UBR4: variants seen among roughly 807,000 people sequenced by gnomAD.
UBR4 encodes E3 ubiquitin-protein ligase UBR4.
A neutral mutation model predicts 575.6 loss-of-function variants in UBR4; 124 were observed. That is an observed-to-expected ratio of 0.22 (90% CI 0.19 to 0.25). The LOEUF (loss-of-function observed/expected upper bound fraction) is 0.25, where lower values mean the gene tolerates loss of function less well. UBR4 is among the 10% of genes least tolerant of loss of function. The probability of loss-of-function intolerance (pLI) is 1.00; values close to 1 mark genes in which losing one functional copy is unlikely to be tolerated. For missense variants in UBR4, 4,818 were observed against 6,478.8 expected (o/e 0.74, Z 8.80); for synonymous variants, 2,455 against 2,473.7 (o/e 0.99, Z 0.22).
Position 19,152,589 on chromosome 1 carries a change from C to T in UBR4, c.6833-113G>A, listed in dbSNP as rs1254667541. ...ACTCACACTCTAATCTAAGCAAACT[C>T]TGGATTATAACATTTGCATCGGCAT... On this transcript the variant is annotated intron_variant, in intron 46 of 105. Coordinates refer to ENST00000375254, the MANE Select transcript of UBR4 (RefSeq NM_020765.3). The surrounding 1 kb of genome is among the most constrained non-coding windows in gnomAD (Gnocchi z 4.4). 7.2e-7 allele frequency: 1 copy of T among 1,391,316 alleles called. No homozygotes were observed. The highest frequency in any genetic ancestry group is 9.9e-7 in the Non-Finnish European group (1 of 1,011,048). The allele number at this position is 1,391,316 out of a possible 1,614,324, so 86.2% of individuals were successfully genotyped here. A position where few individuals can be genotyped will look rare whatever the true frequency, so the allele number is the denominator to read the frequency against.
At position 19,157,200 on chromosome 1, in the gene UBR4, C is replaced by T. The variant is rs1383043537; in HGVS notation, c.5761-275G>A. On this transcript the variant is annotated intron_variant, in intron 40 of 105. Transcript: ENST00000375254. This position sits in a 1 kb window ranked among gnomAD's most constrained non-coding sequence, Gnocchi z 4.4. The stretch of plus-strand genomic sequence containing the variant: ...TTTAAGAATACCTACGTACCACTGT[C>T]CTTTTCTAGTTTTCTAGGAAACTGT... Among the ~76,000 whole-genome samples, 1 of 152,158 alleles carries T rather than the reference C, an allele frequency of 6.6e-6. No homozygotes were observed. The highest frequency in any genetic ancestry group is 1.5e-5 in the Non-Finnish European group (1 of 68,022).
intron 18 of UBR4, among the ~76,000 whole-genome samples, chr1:19,178,393 A>G (rs1001374894): frequency 3.9e-5 from 6 of 152,216 alleles, no homozygotes; most frequent in African/African-American, 1.4e-4. Flanking sequence ...TGTGTGTTTA[A>G]CAAGGGTTTC....
intron 1 of UBR4, among the ~76,000 whole-genome samples, chr1:19,207,246 C>T (rs1365706887): frequency 6.6e-6 from 1 of 152,254 alleles, no homozygotes; most frequent in East Asian, 1.9e-4. Context: ...TCAGCATCTA[C>T]AGTGTTGGCT....
intron 20 of UBR4, among the ~76,000 whole-genome samples, chr1:19,175,594 C>T (rs1211556360): frequency 2.0e-5 from 3 of 152,034 alleles, no homozygotes; most frequent in Admixed American, 2.0e-4. Context: ...ATGAGAAAAA[C>T]ACTAGAGATA....
chr1:19,204,248 G>A (rs552607412), intron 1 of UBR4, among the ~76,000 whole-genome samples: 8 of 152,142 alleles, frequency 5.3e-5, no homozygotes, highest in South Asian at 2.1e-4. Context: ...GTGATCCACT[G>A]CCTTGGCCTC....
rs2091662487 is a variant in UBR4 at position 19,187,532 on chromosome 1, C to A, written c.1403G>T (p.Gly468Val). The part of the protein sequence containing the change: ...PKLGPGKGHQ[G>V]FGVLSVILAN... ...CAATATTACTGAGAGTACCCCAAAT[C>A]CCTGATGCCTACACAAAGAAAAAGG... Residue 468 changes from glycine (G) to valine (V), a missense_variant, in exon 12 of 106, where the codon GGA (glycine) becomes GTA (valine). Physicochemically the swap from Gly to Val is moderately radical, Grantham distance 109 (BLOSUM62 -3). Transcript: ENST00000375254. 1 of 1,613,552 alleles carries A rather than the reference C, an allele frequency of 6.2e-7. No homozygotes were observed. The highest frequency in any genetic ancestry group is 8.5e-7 in the Non-Finnish European group (1 of 1,179,878).
At chr1:19,205,022 A>C (rs1312397535) in intron 1 of UBR4, among the ~76,000 whole-genome samples, 1 of 152,214 alleles carries the variant, frequency 6.6e-6, no homozygotes, top group African/African-American at 2.4e-5. Flanking sequence ...CACGGGAAGG[A>C]AAATAAAGAG....
intron 81 of UBR4, among the ~76,000 whole-genome samples, 165 bp downstream of exon 81, chr1:19,109,931 T>C (rs1256510508): frequency 6.6e-6 from 1 of 152,194 alleles, no homozygotes; most frequent in Non-Finnish European, 1.5e-5. Flanking sequence ...TTCTCAAAAA[T>C]CCCAACCCAT....
At chr1:19,156,999 C>G (rs1259158704) in intron 40 of UBR4, 74 bp from the exon 41 acceptor site, 16 of 1,520,994 alleles carry the variant, frequency 1.1e-5, no homozygotes, top group Non-Finnish European at 1.2e-5. Context: ...AACAAAAACT[C>G]TTTCAATAGG....
In UBR4 at chr1:19,099,618, T is replaced by C. The variant is rs2078413003; in HGVS notation, c.13281A>G (p.Lys4427=). 1.2e-6 allele frequency: 2 copies of C among 1,614,114 alleles called. No individual in the cohort carries two copies. Among genetic ancestry groups the C allele is most frequent in the East Asian group, 4.5e-5 (2 of 44,884 alleles). The change falls in exon 90 of 106, where the codon AAA becomes AAG. Residue 4427 remains lysine, a synonymous_variant. Coordinates refer to ENST00000375254, the MANE Select transcript of UBR4 (RefSeq NM_020765.3). ...ATACCTCATTCGTGGTACACCAGAC[T>C]TTCTTGTAAACTTCAGCCACAGGAA... The part of the protein sequence containing the change: ...LDLPVAEVYK[K]VWCTTNEGEP...
chr1:19,103,967 G>T, intron 87 of UBR4, 117 bp downstream of exon 87: 1 of 1,193,512 alleles, frequency 8.4e-7, no homozygotes, highest in Non-Finnish European at 1.2e-6. Context: ...TTTGAATGCA[G>T]GGAGATGTTT....
In UBR4 at chr1:19,164,305, C is replaced by CT; in HGVS notation, c.4647dup (p.Gly1550ArgfsTer9). 1.2e-6 allele frequency: 2 copies of CT among 1,614,238 alleles called. No homozygotes were observed. The highest frequency in any genetic ancestry group is 1.7e-6 in the Non-Finnish European group (2 of 1,180,038). The stretch of plus-strand genomic sequence containing the variant: ...TTATGAAGCTGAAGGTGACCAGCAC[C>CT]TTGACCTGCACTGGCCAGAGTGGCC... On this transcript the variant is annotated frameshift_variant, in exon 33 of 106. Coordinates refer to ENST00000375254, the MANE Select transcript of UBR4 (RefSeq NM_020765.3). LOFTEE classifies it high-confidence loss of function.
Position 19,121,281 on chromosome 1 carries a change from G to T in UBR4, c.10049C>A (p.Ala3350Asp), listed in dbSNP as rs2081148117. 3.7e-6 allele frequency: 6 copies of T among 1,614,206 alleles called. No individual in the cohort carries two copies. The highest frequency in any genetic ancestry group is 5.1e-6 in the Non-Finnish European group (6 of 1,180,034). The change falls in exon 68 of 106, where the codon GCC becomes GAC. Residue 3350 changes from alanine to aspartate, a missense_variant. Ala to Asp is a moderately radical substitution (Grantham distance 126, BLOSUM62 -2). Coordinates refer to ENST00000375254, the MANE Select transcript of UBR4 (RefSeq NM_020765.3). The part of the protein sequence containing the change: ...SGSSSASSSS[A>D]PVAASSGQAT... ...TTGTCCAGAACTGGCAGCCACAGGG[G>T]CTGAGGAGGAAGAAGCACTGGAGGA...
intron 1 of UBR4, 26 bp downstream of exon 1, chr1:19,210,047 C>T: frequency 1.3e-6 from 2 of 1,525,690 alleles, no homozygotes; most frequent in Non-Finnish European, 1.8e-6. Flanking sequence ...ACAACAGCGT[C>T]GCCCGCCAGA....
chr1:19,087,706 G>A, intron 99 of UBR4, 110 bp downstream of exon 99: 1 of 779,594 alleles, frequency 1.3e-6, no homozygotes, highest in Non-Finnish European at 2.1e-6. Flanking sequence ...TAAGATGCAG[G>A]CCTTGATCTT....
intron 39 of UBR4, 51 bp from the exon 40 acceptor site, chr1:19,158,048 C>A: frequency 1.3e-6 from 2 of 1,569,400 alleles, no homozygotes; most frequent in South Asian, 1.2e-5. Context: ...CAAATAAAAT[C>A]AAGTGGATTC....
At chr1:19,151,516 C>T in intron 48 of UBR4, 127 bp downstream of exon 48, 1 of 1,019,216 alleles carries the variant, frequency 9.8e-7, no homozygotes. Context: ...CTCAAAGTTT[C>T]CTGATGAAAG....
intron 30 of UBR4, 44 bp downstream of exon 30, chr1:19,165,612 G>A: frequency 6.4e-7 from 1 of 1,572,998 alleles, no homozygotes; most frequent in Admixed American, 1.7e-5. Flanking sequence ...GCTTTCAAGA[G>A]GCATTCAAAA....
chr1:19,186,573 C>T lies in UBR4; in HGVS notation c.1717G>A (p.Asp573Asn), dbSNP rs200832149. The change falls in exon 14 of 106, where the codon GAT becomes AAT. Residue 573 changes from aspartate (D) to asparagine (N), a missense_variant. By Grantham distance (23) the Asp-to-Asn change is conservative. Transcript: ENST00000375254. ...STDSNTYYEDDFSSTEEDSSQ... is the reference protein window; with the variant it reads ...STDSNTYYEDNFSSTEEDSSQ... Reference sequence around the variant, plus strand: ...CTGTCCTCCTCCGTGCTACTGAAATCGTCCTCATAGTAAGTATTGGAGTCG... The same window carrying T: ...CTGTCCTCCTCCGTGCTACTGAAATTGTCCTCATAGTAAGTATTGGAGTCG... The T allele has an allele frequency of 4.3e-6, 7 of 1,613,938 alleles. No homozygotes were observed. Among genetic ancestry groups the T allele is most frequent in the Non-Finnish European group, 5.9e-6 (7 of 1,179,990 alleles).
Sources: allele counts gnomAD v4.1 joint callset (sites outside exome capture counted in the v4.1 genomes callset), GRCh38; gene constraint gnomAD v4.1.1; non-coding constraint Gnocchi (gnomAD v3.1); transcripts MANE v1.5; gene names NCBI Gene and HGNC (gene_info 2026-07-23, HGNC 2026-07-21).